RNF216: variants seen among roughly 807,000 people sequenced by gnomAD.
RNF216 encodes the protein E3 ubiquitin-protein ligase RNF216.
In RNF216, 72 loss-of-function variants were observed where a neutral mutation model predicts 110.8. The ratio of observed to expected loss-of-function variants is 0.65; its 90% confidence interval spans 0.54 to 0.79. RNF216 has a LOEUF of 0.79. Among genes scored for constraint, RNF216 ranks in the 30% least tolerant of loss-of-function variants. The probability of loss-of-function intolerance (pLI) is 0.00; values close to 1 mark genes in which losing one functional copy is unlikely to be tolerated. For missense variants in RNF216, 1,342 were observed against 1,141.2 expected (o/e 1.18, Z -2.54); for synonymous variants, 495 against 407.5 (o/e 1.21, Z -2.59).
At chr7:5,668,603 G>T (rs1272961309) in intron 13 of RNF216, among the ~76,000 whole-genome samples, 2 of 152,182 alleles carry the variant, frequency 1.3e-5, no homozygotes, top group Non-Finnish European at 2.9e-5. Flanking sequence ...CAGGAGATAT[G>T]AACTGAGGAT....
rs754391508 is a variant in RNF216, at chr7:5,622,919, T to G, written c.2713A>C (p.Met905Leu). The G allele has an allele frequency of 1.1e-5, 17 of 1,613,012 alleles. No individual in the cohort carries two copies. The highest frequency in any genetic ancestry group is 1.4e-5 in the Non-Finnish European group (17 of 1,179,570). The change falls in exon 17 of 17, where the codon ATG becomes CTG. Residue 905 changes from methionine to leucine, a missense_variant. Met to Leu is a conservative substitution (Grantham distance 15). Coordinates refer to ENST00000389902, the MANE Select transcript of RNF216 (RefSeq NM_207111.4). Reference sequence around the variant, plus strand: ...ATGGGCAGGTTGTGCTCCAGGGGCATGTGGATGGGACCGAAGTCATAGTTG... The same window carrying G: ...ATGGGCAGGTTGTGCTCCAGGGGCAGGTGGATGGGACCGAAGTCATAGTTG... ...RVNYDFGPIH[M>L]PLEHNLPMHF... is the part of the protein sequence containing the mutation.
intron 3 of RNF216, among the ~76,000 whole-genome samples, chr7:5,743,847 C>A (rs957680611): frequency 1.3e-5 from 2 of 152,190 alleles, no homozygotes; most frequent in Non-Finnish European, 2.9e-5. Context: ...CTCCCAGGAA[C>A]TGAATCGCAG....
chr7:5,653,600 CAAAAAAAAAA>C (rs34530431), intron 13 of RNF216, among the ~76,000 whole-genome samples: 1 of 50,496 alleles, frequency 2.0e-5, no homozygotes, highest in East Asian at 7.2e-4. Context: ...GACTCTGTCT[CAAAAAAAAAA>C]AAAAAAAAAA....
chr7:5,741,608 G>A lies in RNF216; in HGVS notation c.409C>T (p.Leu137Phe). The A allele has an allele frequency of 1.9e-6, 3 of 1,614,130 alleles. No individual in the cohort carries two copies. The highest frequency in any genetic ancestry group is 1.1e-5 in the South Asian group (1 of 91,076). ...SEDDYGEFLD[L>F]GPPGISEFTK... ...AATTCAGAGATTCCAGGAGGCCCAAGATCCAGAAATTCACCGTAGTCATCC... is the reference window on the plus strand; with the variant it reads ...AATTCAGAGATTCCAGGAGGCCCAAAATCCAGAAATTCACCGTAGTCATCC... The change falls in exon 4 of 17, where the codon CTT (leucine) becomes TTT (phenylalanine). Residue 137 changes from leucine to phenylalanine, a missense_variant. By Grantham distance (22) the Leu-to-Phe change is conservative. Coordinates refer to ENST00000389902, the MANE Select transcript of RNF216 (RefSeq NM_207111.4).
At chr7:5,665,117 C>T (rs1019503527) in intron 13 of RNF216, among the ~76,000 whole-genome samples, 3 of 152,184 alleles carry the variant, frequency 2.0e-5, no homozygotes, top group Non-Finnish European at 2.9e-5. Context: ...AAAATTCTAA[C>T]ATGAATTCTT....
At chr7:5,731,575 C>A (rs1392462231) in intron 5 of RNF216, among the ~76,000 whole-genome samples, 28 of 150,868 alleles carry the variant, frequency 1.9e-4, no homozygotes, top group African/African-American at 7.0e-4. Flanking sequence ...CAGACAACCA[C>A]CTTGGAACAA....
chr7:5,658,902 T>C (rs1169297030), intron 13 of RNF216, among the ~76,000 whole-genome samples: 3 of 152,136 alleles, frequency 2.0e-5, no homozygotes, highest in African/African-American at 7.2e-5. Flanking sequence ...TGAAGCGCCA[T>C]GGAGGAGGCC....
At chr7:5,714,614 A>G (rs4724713) in intron 11 of RNF216, among the ~76,000 whole-genome samples, 124,829 of 152,198 alleles carry the variant, frequency 0.82, 53,080 homozygotes, top group Non-Finnish European at 0.92. Context: ...AAATACCACA[A>G]ACTCGGTGGT....
At chr7:5,714,319 C>CA (rs1792905475) in intron 11 of RNF216, among the ~76,000 whole-genome samples, 1 of 152,082 alleles carries the variant, frequency 6.6e-6, no homozygotes, top group African/African-American at 2.4e-5. Flanking sequence ...AGTGCAATGG[C>CA]ACGATCTCAA....
At chr7:5,676,929 C>A (rs907028047) in intron 13 of RNF216, among the ~76,000 whole-genome samples, 1 of 152,152 alleles carries the variant, frequency 6.6e-6, no homozygotes, top group Non-Finnish European at 1.5e-5. Flanking sequence ...CTGGACATAA[C>A]CTCATCCAAG....
intron 6 of RNF216, among the ~76,000 whole-genome samples, chr7:5,729,960 A>C (rs1333584247): frequency 2.6e-5 from 4 of 152,236 alleles, no homozygotes; most frequent in Admixed American, 2.6e-4. Context: ...AGATCTTAAT[A>C]AAGTTAGTTC....
At chr7:5,721,415 AT>A (rs1228850164) in intron 8 of RNF216, among the ~76,000 whole-genome samples, 1 of 152,154 alleles carries the variant, frequency 6.6e-6, no homozygotes, top group East Asian at 1.9e-4. Flanking sequence ...GGCATCTCCT[AT>A]CCTGTCACTA....
At chr7:5,735,861 G>A (rs1258670305) in intron 5 of RNF216, among the ~76,000 whole-genome samples, 13 of 152,164 alleles carry the variant, frequency 8.5e-5, no homozygotes, top group South Asian at 2.1e-4. Context: ...TTGGGAGGCC[G>A]AGGCAGATGG....
intron 13 of RNF216, among the ~76,000 whole-genome samples, chr7:5,702,652 G>T (rs990182181): frequency 6.6e-6 from 1 of 152,206 alleles, no homozygotes; most frequent in African/African-American, 2.4e-5. Context: ...GGAAGAGGAT[G>T]TGCTTGCGTG....
At chr7:5,704,264 G>C (rs1792147731) in intron 13 of RNF216, among the ~76,000 whole-genome samples, 1 of 152,088 alleles carries the variant, frequency 6.6e-6, no homozygotes, top group Non-Finnish European at 1.5e-5. Context: ...CCTCATTTCA[G>C]AGCGACAAGT....
chr7:5,634,253 T>A (rs1787259694), intron 15 of RNF216, among the ~76,000 whole-genome samples: 1 of 151,898 alleles, frequency 6.6e-6, no homozygotes, highest in Admixed American at 6.5e-5. Context: ...TTCCTCCCCT[T>A]AGAAAGCTGA....
intron 13 of RNF216, among the ~76,000 whole-genome samples, chr7:5,689,298 C>T (rs535823936): frequency 2.0e-5 from 3 of 149,326 alleles, no homozygotes; most frequent in South Asian, 2.1e-4. Context: ...ACAGAAGTTA[C>T]GCTCAGTTTT....
chr7:5,689,620 T>C (rs1442383868), intron 13 of RNF216, among the ~76,000 whole-genome samples: 10 of 152,172 alleles, frequency 6.6e-5, no homozygotes, highest in African/African-American at 1.7e-4. Flanking sequence ...AATTACATGA[T>C]AGACTTGAGT....
At chr7:5,724,889 A>G (rs182694442) in intron 8 of RNF216, among the ~76,000 whole-genome samples, 3 of 152,330 alleles carry the variant, frequency 2.0e-5, no homozygotes, top group Admixed American at 2.0e-4. Flanking sequence ...CATCAATAAG[A>G]ATGACAGAAT....
Sources: allele counts gnomAD v4.1 joint callset (sites outside exome capture counted in the v4.1 genomes callset), GRCh38; gene constraint gnomAD v4.1.1; transcripts MANE v1.5; gene names NCBI Gene and HGNC (gene_info 2026-07-23, HGNC 2026-07-21).